Variants in TINAG observed in about 807,000 individuals in gnomAD.
The protein encoded by TINAG is tubulointerstitial nephritis antigen.
A neutral mutation model predicts 72.7 loss-of-function variants in TINAG; 83 were observed. The observed-to-expected ratio is 1.14, with a 90% confidence interval of 0.96 to 1.37. The LOEUF is 1.37. Ranked by LOEUF, TINAG falls within the 40% of genes most tolerant of loss-of-function variation. The pLI is 0.00. For synonymous variants in TINAG, 234 were observed against 189.9 expected (o/e 1.23, Z -1.91); for missense variants, 685 against 576.6 (o/e 1.19, Z -1.93).
At chr6:54,351,180 A>G (rs1434775110) in intron 7 of TINAG, among the ~76,000 whole-genome samples, 172 bp from the exon 8 acceptor site, 1 of 152,032 alleles carries the variant, frequency 6.6e-6, no homozygotes, top group Non-Finnish European at 1.5e-5. Flanking sequence ...AATGTCATTA[A>G]AACAAATGGG....
In TINAG at chr6:54,347,470, C is replaced by G. The variant is rs768329212; in HGVS notation, c.852C>G (p.Cys284Trp). The G allele has an allele frequency of 1.2e-6, 2 of 1,613,068 alleles. No individual in the cohort carries two copies. Among genetic ancestry groups the G allele is most frequent in the South Asian group, 2.2e-5 (2 of 91,052 alleles). Residue 284 changes from cysteine (C) to tryptophan (W), a missense_variant, in exon 6 of 11, where the codon TGC becomes TGG. By Grantham distance (215) the Cys-to-Trp change is radical. Coordinates refer to ENST00000259782, the MANE Select transcript of TINAG (RefSeq NM_014464.4). ...ISCCAKNRHG[C>W]NSGSIDRAWW... The stretch of plus-strand genomic sequence containing the variant: ...GCTGTGCCAAGAACCGTCATGGATG[C>G]AATAGTGGAAGCATCGATAGGGCTT...
chr6:54,348,898 A>G (rs890198003), intron 6 of TINAG, among the ~76,000 whole-genome samples: 39 of 152,154 alleles, frequency 2.6e-4, no homozygotes, highest in Admixed American at 4.6e-4. Flanking sequence ...TTGGAAACAC[A>G]TTACATTTTC....
At chr6:54,333,630 AT>A (rs1246019304) in intron 4 of TINAG, among the ~76,000 whole-genome samples, 1 of 151,924 alleles carries the variant, frequency 6.6e-6, no homozygotes, top group East Asian at 1.9e-4. Flanking sequence ...AAAAAAAAAA[AT>A]AAAATAAAAT....
chr6:54,335,007 C>T (rs1784827216), intron 4 of TINAG, among the ~76,000 whole-genome samples: 1 of 151,902 alleles, frequency 6.6e-6, no homozygotes, highest in Non-Finnish European at 1.5e-5. Flanking sequence ...AAATAGTGGG[C>T]AGCATTATTT....
intron 1 of TINAG, among the ~76,000 whole-genome samples, chr6:54,320,082 T>G (rs3777649): frequency 1.3e-5 from 2 of 152,084 alleles, no homozygotes; most frequent in African/African-American, 4.8e-5. Flanking sequence ...TTTTCCCTTA[T>G]TCAGATCCTA....
At chr6:54,388,527 C>T (rs1434058782) in intron 10 of TINAG, among the ~76,000 whole-genome samples, 1 of 152,112 alleles carries the variant, frequency 6.6e-6, no homozygotes, top group African/African-American at 2.4e-5. Flanking sequence ...CTCAATTCGA[C>T]ACCTTATGTC....
chr6:54,348,171 A>G (rs1007495342), intron 6 of TINAG, among the ~76,000 whole-genome samples: 10 of 152,212 alleles, frequency 6.6e-5, no homozygotes, highest in African/African-American at 2.4e-4. Flanking sequence ...TCATCCACTC[A>G]GTGCTCTGGG....
chr6:54,371,454 T>G (rs1288555763), intron 9 of TINAG, among the ~76,000 whole-genome samples: 1 of 151,984 alleles, frequency 6.6e-6, no homozygotes, highest in Admixed American at 6.6e-5. Flanking sequence ...ACTTTTTTAT[T>G]ACTCTGAATG....
chr6:54,347,345 AT>A (rs764375576), intron 5 of TINAG, 21 bp from the exon 6 acceptor site: 1 of 1,610,250 alleles, frequency 6.2e-7, no homozygotes, highest in African/African-American at 1.3e-5. Flanking sequence ...TTCAATATTA[AT>A]TGATATTCTA....
chr6:54,346,207 T>C (rs1474681529), intron 5 of TINAG, among the ~76,000 whole-genome samples: 1 of 152,066 alleles, frequency 6.6e-6, no homozygotes. Context: ...TGCTACTGGT[T>C]AATTAGTTTC....
At chr6:54,333,575 C>A (rs1413214685) in intron 4 of TINAG, among the ~76,000 whole-genome samples, 1 of 151,516 alleles carries the variant, frequency 6.6e-6, no homozygotes, top group Non-Finnish European at 1.5e-5. Context: ...TTGTAACAAA[C>A]CTGCACGTTC....
intron 9 of TINAG, among the ~76,000 whole-genome samples, chr6:54,366,722 A>T (rs986988129): frequency 1.3e-5 from 2 of 151,586 alleles, no homozygotes; most frequent in Admixed American, 6.6e-5. Context: ...AAGGCACATA[A>T]TTCCAAATCT....
chr6:54,322,119 A>G (rs1408047601), intron 3 of TINAG, among the ~76,000 whole-genome samples: 1 of 152,094 alleles, frequency 6.6e-6, no homozygotes, highest in African/African-American at 2.4e-5. Flanking sequence ...CAGCTTGGAC[A>G]ACTAGTGAGA....
At chr6:54,308,038 G>A (rs1784151716), upstream of TINAG, 2 of 1,549,460 alleles carry the variant, frequency 1.3e-6, no homozygotes, top group Middle Eastern at 1.7e-4. Context: ...AACTGTTATT[G>A]ATATGACAGA....
chr6:54,324,860 G>T (rs1478811217), intron 3 of TINAG, among the ~76,000 whole-genome samples: 2 of 152,114 alleles, frequency 1.3e-5, no homozygotes, highest in Non-Finnish European at 2.9e-5. Flanking sequence ...TCTGTTTCCA[G>T]AAATTCTCAA....
chr6:54,358,128 T>G (rs1763113080), intron 9 of TINAG, among the ~76,000 whole-genome samples: 1 of 151,850 alleles, frequency 6.6e-6, no homozygotes, highest in African/African-American at 2.4e-5. Context: ...TTCCTTAGTG[T>G]CTGTGTCTCC....
chr6:54,345,488 C>T (rs1785099099), intron 5 of TINAG, among the ~76,000 whole-genome samples: 1 of 152,078 alleles, frequency 6.6e-6, no homozygotes. Context: ...ATCCTGGAGA[C>T]CAGGCTTCCA....
At chr6:54,367,743 T>C (rs1166617987) in intron 9 of TINAG, among the ~76,000 whole-genome samples, 1 of 151,866 alleles carries the variant, frequency 6.6e-6, no homozygotes, top group Non-Finnish European at 1.5e-5. Flanking sequence ...TTGAAAGCTG[T>C]CTTAGTTCCT....
intron 3 of TINAG, among the ~76,000 whole-genome samples, chr6:54,322,454 C>T (rs987228549): frequency 1.1e-4 from 16 of 152,048 alleles, no homozygotes; most frequent in Non-Finnish European, 2.9e-5. Context: ...TGCCATTGAA[C>T]GAATCTCGAT....
Sources: gnomAD v4.1 joint callset for allele counts (sites outside exome capture counted in the v4.1 genomes callset) on GRCh38, gnomAD v4.1.1 for gene constraint, MANE v1.5 for transcripts, NCBI Gene and HGNC (gene_info 2026-07-23, HGNC 2026-07-21) for gene names.